The following LARP4B variants were observed in gnomAD, a reference collection of about 807,000 sequenced individuals.
LARP4B encodes La ribonucleoprotein 4B.
LARP4B carries 12 observed loss-of-function variants against 89.8 expected under a neutral mutation model. The ratio of observed to expected loss-of-function variants is 0.13; its 90% CI spans 0.09 to 0.22. The LOEUF (loss-of-function observed/expected upper bound fraction) is 0.22, where lower values mean the gene tolerates loss of function less well. LARP4B is among the 10% of genes least tolerant of loss of function. The pLI, the probability that LARP4B is intolerant of heterozygous loss-of-function variation, is 1.00. For synonymous variants in LARP4B, 367 were observed against 363.3 expected, an observed-to-expected ratio of 1.01 and a Z score of -0.12; for missense variants, 757 against 947.7, an observed-to-expected ratio of 0.80 and a Z score of 2.64.
Position 829,472 on chromosome 10 carries a change from C to G in LARP4B, c.1038G>C (p.Met346Ile). 1.2e-6 allele frequency: 2 copies of G among 1,614,118 alleles called. No homozygotes were observed. The highest frequency in any genetic ancestry group is 1.7e-6 in the Non-Finnish European group (2 of 1,180,014). ...GGGGGAACTGCTGCTGGGGGCTGTA[C>G]ATGGGAGGGAAGTAGAACGACGTCG... ...RYATSFYFPP[M>I]YSPQQQFPLY... Residue 346 changes from methionine (M) to isoleucine (I), a missense_variant, in exon 11 of 18, where the codon ATG becomes ATC. This residue lies in a region of LARP4B where 137 missense variants were observed against 213.9 expected (regional missense o/e 0.64). Coordinates refer to ENST00000316157, the MANE Select transcript of LARP4B (RefSeq NM_015155.3).
At chr10:958,203 T>A in the LARP4B span, among the ~76,000 whole-genome samples, 1 of 152,230 alleles carries the variant, frequency 6.6e-6, no homozygotes, top group Non-Finnish European at 1.5e-5. Context: ...GCCCTTGGGC[T>A]GAAGGGTCCC....
At chr10:829,787 G>A in intron 9 of LARP4B, 53 bp from the exon 10 acceptor site, 2 of 1,250,772 alleles carry the variant, frequency 1.6e-6, no homozygotes, top group Non-Finnish European at 2.3e-6. Context: ...ATGAATAAGA[G>A]GCACCAATAG....
In LARP4B at chr10:810,396, T is replaced by C. The variant is rs1284779090; in HGVS notation, c.*2530A>G. ...TCACCTCCGAGCAACGTTTCAGTTC[T>C]TGATGCAGAAGACTGCTGCTGGCTA... On this transcript the variant is annotated 3_prime_UTR_variant, in exon 18 of 18. Coordinates refer to ENST00000316157, the MANE Select transcript of LARP4B (RefSeq NM_015155.3). 2 of 152,252 alleles carry C rather than the reference T, an allele frequency of 1.3e-5. No individual in the cohort carries two copies. Among genetic ancestry groups the C allele is most frequent in the African/African-American group, 4.8e-5 (2 of 41,460 alleles). 9.4% of individuals were successfully genotyped at this position (152,252 alleles called of 1,614,324 possible). A position where few individuals can be genotyped will look rare whatever the true frequency, so the allele number is the denominator to read the frequency against.
At chr10:935,106 C>T (rs1057062749), upstream of LARP4B, among the ~76,000 whole-genome samples, 1 of 152,176 alleles carries the variant, frequency 6.6e-6, no homozygotes, top group Admixed American at 6.5e-5. Flanking sequence ...CCTAAGACAT[C>T]CTTACCTTCC....
chr10:829,366 T>G lies in LARP4B; in HGVS notation c.1125+19A>C. ...GCATAGTGTCTACAACATAAATTCCTAGTAAAGAAATGACGTACCAAGGGT... is the reference window on the plus strand; with the variant it reads ...GCATAGTGTCTACAACATAAATTCCGAGTAAAGAAATGACGTACCAAGGGT... On this transcript the variant is annotated intron_variant, in intron 11 of 17. Coordinates refer to ENST00000316157, the MANE Select transcript of LARP4B (RefSeq NM_015155.3). 3.8e-6 allele frequency: 6 copies of G among 1,561,336 alleles called. No individual in the cohort carries two copies. The highest frequency in any genetic ancestry group is 4.3e-6 in the Non-Finnish European group (5 of 1,152,070).
the LARP4B span, among the ~76,000 whole-genome samples, chr10:945,119 C>T: frequency 6.6e-6 from 1 of 151,996 alleles, no homozygotes; most frequent in Admixed American, 6.6e-5. Context: ...CATGGTGGCT[C>T]ACCCCTGTAA....
intron 7 of LARP4B, among the ~76,000 whole-genome samples, chr10:842,133 A>G (rs1341741): frequency 0.18 from 27,400 of 152,152 alleles, 2,679 homozygotes; most frequent in African/African-American, 0.22. Flanking sequence ...GGCACCATCC[A>G]CACTTAATGC....
chr10:926,987 C>T (rs1837156544), intron 1 of LARP4B, among the ~76,000 whole-genome samples: 1 of 151,866 alleles, frequency 6.6e-6, no homozygotes, highest in Non-Finnish European at 1.5e-5. Flanking sequence ...TTGCAGTGAG[C>T]CGTGATCGTG....
chr10:940,012 A>AT, the LARP4B span, among the ~76,000 whole-genome samples: 2,913 of 118,790 alleles, frequency 0.025, 78 homozygotes, highest in Non-Finnish European at 0.04. Context: ...CGCCCGGCTA[A>AT]TTTTTTTTTT....
the LARP4B span, among the ~76,000 whole-genome samples, chr10:979,103 T>C: frequency 7.2e-5 from 11 of 152,306 alleles, no homozygotes; most frequent in Middle Eastern, 3.4e-3. Flanking sequence ...CTGTCTATGA[T>C]TTCTTATTTA....
chr10:873,110 T>A (rs1336911090), intron 3 of LARP4B: 1 of 985,240 alleles, frequency 1.0e-6, no homozygotes, highest in Non-Finnish European at 1.2e-6. Context: ...ACTGTCATTG[T>A]CACTACTTAG....
chr10:860,788 G>T (rs1834559379), intron 5 of LARP4B, among the ~76,000 whole-genome samples: 1 of 152,024 alleles, frequency 6.6e-6, no homozygotes, highest in African/African-American at 2.4e-5. Flanking sequence ...CACATCTCTT[G>T]GGCCCAGGAG....
the LARP4B span, among the ~76,000 whole-genome samples, chr10:967,609 AAGG>A: frequency 6.6e-6 from 1 of 152,210 alleles, no homozygotes; most frequent in Non-Finnish European, 1.5e-5. Context: ...GAACTCTAGG[AAGG>A]AGGAGGCTCA....
chr10:864,632 G>A (rs1834800078), intron 3 of LARP4B, among the ~76,000 whole-genome samples: 2 of 152,110 alleles, frequency 1.3e-5, no homozygotes, highest in South Asian at 4.1e-4. Flanking sequence ...TGAATACAAG[G>A]CAGATGAATA....
chr10:864,712 G>A (rs1457694406), intron 3 of LARP4B, among the ~76,000 whole-genome samples: 2 of 152,218 alleles, frequency 1.3e-5, no homozygotes, highest in Non-Finnish European at 2.9e-5. Flanking sequence ...CCAGCACTTT[G>A]GGAGGCCAAG....
rs79091035 is a variant in LARP4B at position 831,608 on chromosome 10, G to A, written c.751-631C>T. On this transcript the variant is annotated intron_variant, in intron 8 of 17. Transcript: ENST00000316157. ...AGCCCAGGGAAGGCTCACCAAGAGA[G>A]GAATGGTTTGTTTTCCCACCGGCCA... 2.8e-3 allele frequency among the ~76,000 whole-genome samples: 426 copies of A among 152,242 alleles called. 2 individuals carry two copies. The highest frequency in any genetic ancestry group is 0.014 in the East Asian group (72 of 5,174).
chr10:925,466 T>C (rs983826802), intron 1 of LARP4B, among the ~76,000 whole-genome samples: 17 of 152,198 alleles, frequency 1.1e-4, no homozygotes, highest in Non-Finnish European at 1.9e-4. Flanking sequence ...GTTAACATGA[T>C]GTTTTTATTT....
intron 3 of LARP4B, among the ~76,000 whole-genome samples, chr10:882,250 T>TA (rs966208312): frequency 6.6e-6 from 1 of 152,106 alleles, no homozygotes; most frequent in Non-Finnish European, 1.5e-5. Flanking sequence ...TATACTTTAA[T>TA]AAAGTTTTTT....
intron 3 of LARP4B, among the ~76,000 whole-genome samples, chr10:874,059 C>A (rs1835354360): frequency 6.6e-6 from 1 of 152,066 alleles, no homozygotes; most frequent in African/African-American, 2.4e-5. Flanking sequence ...ATGGTGAAAA[C>A]CCGTCTCTAC....
Sources: allele counts gnomAD v4.1 joint callset (sites outside exome capture counted in the v4.1 genomes callset), GRCh38; gene constraint gnomAD v4.1.1; regional missense constraint gnomAD v4.1.1; transcripts MANE v1.5; gene names NCBI Gene and HGNC (gene_info 2026-07-23, HGNC 2026-07-21).